GALNT13: variants seen among roughly 807,000 people sequenced by gnomAD.
GALNT13 encodes polypeptide N-acetylgalactosaminyltransferase 13.
GALNT13 carries 28 observed loss-of-function variants against 64.2 expected under a neutral mutation model. The observed-to-expected ratio is 0.44, with a 90% CI of 0.32 to 0.60. The LOEUF (loss-of-function observed/expected upper bound fraction) is 0.60, where lower values mean the gene tolerates loss of function less well. Ranked by LOEUF, GALNT13 falls within the 20% of genes least tolerant of loss-of-function variation. The pLI is 0.05. For synonymous variants in GALNT13, 214 were observed against 224.6 expected (o/e 0.95, Z 0.42); for missense variants, 577 against 669.8 (o/e 0.86, Z 1.53).
At chr2:154,415,168 T>C (rs992595566) in intron 11 of GALNT13, among the ~76,000 whole-genome samples, 3 of 151,736 alleles carry the variant, frequency 2.0e-5, no homozygotes, top group Non-Finnish European at 4.4e-5. Context: ...ATAAAATATA[T>C]TCATAATTAG....
At chr2:153,542,026 A>G in the GALNT13 span, among the ~76,000 whole-genome samples, 1 of 152,142 alleles carries the variant, frequency 6.6e-6, no homozygotes, top group African/African-American at 2.4e-5. Flanking sequence ...AGAGCTGAAC[A>G]GTAATTAAAG....
intron 4 of GALNT13, among the ~76,000 whole-genome samples, chr2:154,184,220 A>G (rs1378428603): frequency 6.6e-6 from 1 of 152,020 alleles, no homozygotes; most frequent in African/African-American, 2.4e-5. Context: ...TTTTTTATAT[A>G]CATATACCTG....
At chr2:153,280,764 G>A in the GALNT13 span, among the ~76,000 whole-genome samples, 7 of 152,202 alleles carry the variant, frequency 4.6e-5, no homozygotes, top group Non-Finnish European at 8.8e-5. Flanking sequence ...AAGTTATTGA[G>A]GCTTGCTTTA....
chr2:154,038,153 C>G (rs1408854211), intron 3 of GALNT13, among the ~76,000 whole-genome samples: 1 of 151,994 alleles, frequency 6.6e-6, no homozygotes, highest in Admixed American at 6.6e-5. Flanking sequence ...AGACAACCCA[C>G]GCTCATGGAT....
the GALNT13 span, among the ~76,000 whole-genome samples, chr2:153,541,461 C>T: frequency 2.0e-5 from 3 of 152,310 alleles, no homozygotes; most frequent in African/African-American, 7.2e-5. Flanking sequence ...TCTCTTCTTT[C>T]TCAAGGCACC....
intron 9 of GALNT13, among the ~76,000 whole-genome samples, chr2:154,318,858 A>G (rs1694466045): frequency 6.6e-6 from 1 of 152,074 alleles, no homozygotes; most frequent in South Asian, 2.1e-4. Context: ...TTTTGTCTGT[A>G]TTTTAAGTAT....
intron 3 of GALNT13, among the ~76,000 whole-genome samples, chr2:153,983,673 T>G (rs1315361496): frequency 6.6e-6 from 1 of 151,974 alleles, no homozygotes; most frequent in Admixed American, 6.6e-5. Context: ...AATAAAGTAG[T>G]GACAAAGAAT....
chr2:153,935,194 C>T (rs901035046), intron 2 of GALNT13, among the ~76,000 whole-genome samples: 4 of 152,100 alleles, frequency 2.6e-5, no homozygotes, highest in Non-Finnish European at 5.9e-5. Flanking sequence ...TTCTATAAAG[C>T]CAAACTGTGG....
At chr2:153,608,675 T>C in the GALNT13 span, among the ~76,000 whole-genome samples, 1 of 142,498 alleles carries the variant, frequency 7.0e-6, no homozygotes, top group Non-Finnish European at 1.5e-5. Context: ...TATATAAATA[T>C]ATGTCTCATA....
At chr2:153,556,751 G>T in the GALNT13 span, among the ~76,000 whole-genome samples, 1 of 152,044 alleles carries the variant, frequency 6.6e-6, no homozygotes, top group Non-Finnish European at 1.5e-5. Context: ...ACATTTGTCT[G>T]GTCACAAACA....
chr2:153,416,201 G>A, the GALNT13 span, among the ~76,000 whole-genome samples: 6 of 152,250 alleles, frequency 3.9e-5, no homozygotes, highest in Non-Finnish European at 5.9e-5. Flanking sequence ...AAAAGAAAAT[G>A]TACTTGTGTA....
At chr2:153,154,039 T>A in the GALNT13 span, among the ~76,000 whole-genome samples, 1 of 152,280 alleles carries the variant, frequency 6.6e-6, no homozygotes, top group African/African-American at 2.4e-5. Flanking sequence ...CATGGAATGT[T>A]TTCCCATTTG....
chr2:153,937,633 C>A (rs1386380258), intron 2 of GALNT13, among the ~76,000 whole-genome samples: 2 of 152,096 alleles, frequency 1.3e-5, no homozygotes, highest in Non-Finnish European at 2.9e-5. Flanking sequence ...TGAATTATAT[C>A]TCAATAAAAC....
intron 8 of GALNT13, among the ~76,000 whole-genome samples, chr2:154,297,331 G>A (rs560022284): frequency 1.2e-4 from 18 of 152,260 alleles, no homozygotes; most frequent in Admixed American, 2.6e-4. Flanking sequence ...GATGGTGGCC[G>A]CGGAAACAGA....
At chr2:153,556,205 A>G in the GALNT13 span, among the ~76,000 whole-genome samples, 17,526 of 152,210 alleles carry the variant, frequency 0.12, 1,125 homozygotes, top group Middle Eastern at 0.18. Context: ...TACATATGAT[A>G]GCCCAGTGAA....
chr2:153,138,425 G>T, the GALNT13 span, among the ~76,000 whole-genome samples: 1 of 151,988 alleles, frequency 6.6e-6, no homozygotes, highest in Non-Finnish European at 1.5e-5. Context: ...CCTATAAAAG[G>T]CAGGACAGTA....
chr2:154,109,801 T>A (rs142694058), intron 3 of GALNT13, among the ~76,000 whole-genome samples: 1 of 152,300 alleles, frequency 6.6e-6, no homozygotes, highest in East Asian at 1.9e-4. Context: ...CATCTTTGCA[T>A]CCCATGGATA....
At chr2:153,721,217 C>T in the GALNT13 span, among the ~76,000 whole-genome samples, 13 of 148,926 alleles carry the variant, frequency 8.7e-5, no homozygotes, top group Non-Finnish European at 1.9e-4. Flanking sequence ...AACTAAGCTT[C>T]ATAAGTGAAG....
At chr2:154,181,587 A>G (rs1332000887) in intron 4 of GALNT13, among the ~76,000 whole-genome samples, 2 of 152,102 alleles carry the variant, frequency 1.3e-5, no homozygotes, top group Admixed American at 1.3e-4. Flanking sequence ...ACGATATGAT[A>G]TATATTTATA....
Sources: gnomAD v4.1 joint callset for allele counts (sites outside exome capture counted in the v4.1 genomes callset) on GRCh38, gnomAD v4.1.1 for gene constraint, MANE v1.5 for transcripts, NCBI Gene and HGNC (gene_info 2026-07-23, HGNC 2026-07-21) for gene names.